The following GREP1 variants were observed in gnomAD, a reference collection of about 807,000 sequenced individuals.
GREP1 encodes the protein glycine-rich extracellular protein 1.
rs2072405442 is a variant in GREP1, at chr16:2,992,755, C to T, written c.323-50C>T. ...GAGAGGGCAGGGCTCCAGGCCCCAG[C>T]TCATCCCCACTGCACCACCTTCCAC... On this transcript the variant is annotated intron_variant, in intron 8 of 34. Coordinates refer to ENST00000573315, the Ensembl canonical transcript of GREP1. This position sits in a 1 kb window ranked among gnomAD's most constrained non-coding sequence, Gnocchi z 4.9. 1 of 399,170 alleles carries T rather than the reference C, an allele frequency of 2.5e-6. No individual in the cohort carries two copies. Among genetic ancestry groups the T allele is most frequent in the Non-Finnish European group, 4.4e-6 (1 of 226,288 alleles). The allele number at this position is 399,170 out of a possible 1,614,324, so 24.7% of individuals were successfully genotyped here.
intron 1 of GREP1, 61 bp from the exon 2 acceptor site, chr16:2,988,529 G>A (rs929841170): frequency 3.5e-5 from 14 of 399,262 alleles, no homozygotes; most frequent in African/African-American, 2.3e-4. Flanking sequence ...ATGCCTGGGC[G>A]CTGCCCCATC....
intron 22 of GREP1, 37 bp from the exon 21 acceptor site, chr16:2,997,766 G>A: frequency 2.5e-6 from 1 of 398,548 alleles, no homozygotes; most frequent in Non-Finnish European, 4.4e-6. Flanking sequence ...TCAGTGAGGA[G>A]TGGGCATGGG....
In GREP1 at chr16:2,992,585, T is replaced by C. The variant is rs752116088; in HGVS notation, c.323-220T>C. 3 of 379,952 alleles carry C rather than the reference T, an allele frequency of 7.9e-6. No homozygotes were observed. The highest frequency in any genetic ancestry group is 1.4e-5 in the Non-Finnish European group (3 of 214,618). 23.5% of individuals were successfully genotyped at this position (379,952 alleles called of 1,614,324 possible). A position where few individuals can be genotyped will look rare whatever the true frequency, so the allele number is the denominator to read the frequency against. ...TCCCAAGCCAGGCCTCGGCTGGCCATGGAGGACACCCAAGCTGGTCAAGGG... is the reference window on the plus strand; with the variant it reads ...TCCCAAGCCAGGCCTCGGCTGGCCACGGAGGACACCCAAGCTGGTCAAGGG... On this transcript the variant is annotated intron_variant, in intron 8 of 34. Transcript: ENST00000573315. The surrounding 1 kb of genome is among the most constrained non-coding windows in gnomAD (Gnocchi z 4.9).
At chr16:2,996,754 G>A (rs1596462572) in intron 20 of GREP1, 49 bp downstream of exon 19, 3 of 398,738 alleles carry the variant, frequency 7.5e-6, no homozygotes, top group Non-Finnish European at 1.3e-5. Context: ...AGATCCTGGT[G>A]TTCTAGCTGG....
intron 5 of GREP1, 181 bp from the exon 6 acceptor site, chr16:2,990,371 G>A: frequency 1.0e-5 from 4 of 398,938 alleles, no homozygotes. Context: ...AGATGGGAGT[G>A]GGGGAGCTGG....
At chr16:2,988,938 G>T in intron 2 of GREP1, 1 of 345,732 alleles carries the variant, frequency 2.9e-6, no homozygotes, top group Non-Finnish European at 5.2e-6. Flanking sequence ...AGAGGAGGGA[G>T]GGGACAAGGA....
intron 4 of GREP1, 40 bp from the exon 5 acceptor site, chr16:2,990,047 T>C (rs908111263): frequency 2.5e-6 from 1 of 399,508 alleles, no homozygotes; most frequent in Admixed American, 4.4e-5. Flanking sequence ...CTCCCCCTCT[T>C]TCTCTCACAC....
chr16:2,990,505 C>T (rs918252211), intron 6 of GREP1, 47 bp from the exon 6 acceptor site: 1 of 399,572 alleles, frequency 2.5e-6, no homozygotes, highest in Non-Finnish European at 4.4e-6. Flanking sequence ...TCGCCCAGCC[C>T]CTGCCTGCCT....
intron 29 of GREP1, 141 bp downstream of exon 26, chr16:3,000,259 G>A: frequency 2.5e-6 from 1 of 399,488 alleles, no homozygotes; most frequent in Non-Finnish European, 4.4e-6. Context: ...CCACTAGCCT[G>A]TCCCTAGCTC....
At position 2,991,172 on chromosome 16, in the gene GREP1, G is replaced by A. The variant is rs2072397416; in HGVS notation, c.322+71G>A. 2 of 399,114 alleles carry A rather than the reference G, an allele frequency of 5.0e-6. No homozygotes were observed. The allele number at this position is 399,114 out of a possible 1,614,324, so 24.7% of individuals were successfully genotyped here. On this transcript the variant is annotated intron_variant, in intron 8 of 34. Transcript: ENST00000573315. This position sits in a 1 kb window ranked among gnomAD's most constrained non-coding sequence, Gnocchi z 4.9. The stretch of plus-strand genomic sequence containing the variant: ...GGGGGAAGGGGCAGAGCAGAGTCAG[G>A]GCACCAGGAGCTGGGAGAGCTGGGC...
chr16:2,998,545 G>A, intron 25 of GREP1, 22 bp downstream of exon 23: 1 of 399,246 alleles, frequency 2.5e-6, no homozygotes, highest in Non-Finnish European at 4.4e-6. Flanking sequence ...GGGACCAGGG[G>A]TGGGGGCCCA....
intron 26 of GREP1, 59 bp downstream of exon 24, chr16:2,999,038 C>A: frequency 2.5e-6 from 1 of 398,988 alleles, no homozygotes; most frequent in South Asian, 1.3e-4. Flanking sequence ...CTATGAGGGT[C>A]AGGGCCTGGC....
exon 25 of GREP1, chr16:2,998,506 A>C: frequency 2.5e-6 from 1 of 399,112 alleles, no homozygotes; most frequent in Non-Finnish European, 4.4e-6. Flanking sequence ...CACGGCCATG[A>C]AAATGGGCCC....
At chr16:2,997,545 A>T (rs2072432064) in intron 22 of GREP1, 1 of 397,954 alleles carries the variant, frequency 2.5e-6, no homozygotes, top group African/African-American at 2.1e-5. Flanking sequence ...TAGAGTCTGG[A>T]GAGGAGGCGG....
chr16:3,000,418 A>C (rs948611937), intron 30 of GREP1: 12 of 398,948 alleles, frequency 3.0e-5, no homozygotes, highest in African/African-American at 6.2e-5. Context: ...AGCCTCTGAC[A>C]CCCTCTTTCC....
At chr16:2,999,304 T>C (rs1382940283) in intron 27 of GREP1, 4 of 398,670 alleles carry the variant, frequency 1.0e-5, no homozygotes, top group Non-Finnish European at 1.8e-5. Flanking sequence ...AAAGCAGGTG[T>C]GAGTCTGTCT....
Position 2,989,532 on chromosome 16 carries a change from C to A in GREP1, c.110C>A (p.Pro37His). ...CTCACTTCTCCCACAGTCTATGGCC[C>A]CCACAGTGGCCTGGGAGCAGGTGAG... Residue 37 changes from proline (P) to histidine (H), a missense_variant, in exon 3 of 35, where the codon CCC becomes CAC. By Grantham distance (77) the Pro-to-His change is moderately conservative. Transcript: ENST00000573315. The surrounding 1 kb of genome is among the most constrained non-coding windows in gnomAD (Gnocchi z 4.2). 1 of 399,438 alleles carries A rather than the reference C, an allele frequency of 2.5e-6. No individual in the cohort carries two copies. 24.7% of individuals were successfully genotyped at this position (399,438 alleles called of 1,614,324 possible). A position where few individuals can be genotyped will look rare whatever the true frequency, so the allele number is the denominator to read the frequency against.
At chr16:2,994,766 G>A in intron 11 of GREP1, 39 bp downstream of exon 12, 1 of 399,226 alleles carries the variant, frequency 2.5e-6, no homozygotes, top group East Asian at 3.6e-5. Context: ...CCCAGAGCTG[G>A]GGCCCCAGGT....
chr16:2,990,255 G>A (rs1382325068), intron 5 of GREP1, 133 bp downstream of exon 5: 3 of 397,934 alleles, frequency 7.5e-6, no homozygotes, highest in Non-Finnish European at 1.3e-5. Flanking sequence ...CCAAGGGGGG[G>A]TTCAAGGGTC....
Sources: allele counts gnomAD v4.1 joint callset, GRCh38; gene constraint gnomAD v4.1.1; non-coding constraint Gnocchi (gnomAD v3.1); transcripts MANE v1.5; gene names NCBI Gene and HGNC (gene_info 2026-07-23, HGNC 2026-07-21).